Variants in NEAT1 observed in about 807,000 individuals in gnomAD.
NEAT1 encodes the protein MENepsilon/beta.
exon 1 of NEAT1, chr11:65,429,460 T>A (rs595366): frequency 0.65 from 98,645 of 151,708 alleles, 33,621 homozygotes; most frequent in Non-Finnish European, 0.75. Flanking sequence ...CATCTCTACC[T>A]TGTGTCAATT....
chr11:65,432,298 T>G (rs1056738107), exon 1 of NEAT1: 1 of 152,234 alleles, frequency 6.6e-6, no homozygotes, highest in African/African-American at 2.4e-5. Context: ...ACCTTTATAA[T>G]GATCATGAAC....
At chr11:65,444,617 C>T in exon 1 of NEAT1, 1 of 439,076 alleles carries the variant, frequency 2.3e-6, no homozygotes, top group South Asian at 1.6e-5. Context: ...CCAGGGGAGG[C>T]AGAGCCTGAG....
chr11:65,425,585 T>C (rs534632822), exon 1 of NEAT1: 2 of 152,276 alleles, frequency 1.3e-5, no homozygotes, highest in Admixed American at 6.5e-5. Flanking sequence ...AATGCCTATA[T>C]TGTGGGCTTT....
At chr11:65,431,550 C>T (rs1856614071) in exon 1 of NEAT1, 1 of 152,132 alleles carries the variant, frequency 6.6e-6, no homozygotes, top group African/African-American at 2.4e-5. Flanking sequence ...TCCGAGGTTC[C>T]CACATCCTCC....
At chr11:65,440,842 C>CA (rs746947504) in exon 1 of NEAT1, 1,482 of 33,788 alleles carry the variant, frequency 0.044, 28 homozygotes, top group East Asian at 0.07. Context: ...GATTCCGTCT[C>CA]AAAAAAAAAA....
chr11:65,444,124 A>G (rs996199779), exon 1 of NEAT1: 7 of 235,512 alleles, frequency 3.0e-5, no homozygotes, highest in Non-Finnish European at 5.1e-5. Flanking sequence ...GTGAGGGGAG[A>G]TGGACGTGTG....
chr11:65,428,150 A>G (rs1399836305), exon 1 of NEAT1: 1 of 152,204 alleles, frequency 6.6e-6, no homozygotes, highest in Non-Finnish European at 1.5e-5. Flanking sequence ...CTGAATTCAG[A>G]CTTTGTGAAT....
chr11:65,428,712 A>C (rs146049743), exon 1 of NEAT1: 9 of 152,312 alleles, frequency 5.9e-5, no homozygotes, highest in African/African-American at 2.2e-4. Context: ...CTCTGAGTGA[A>C]GGCATCCCCT....
At chr11:65,444,303 GT>G (rs1856743728) in exon 1 of NEAT1, 2 of 383,342 alleles carry the variant, frequency 5.2e-6, no homozygotes, top group African/African-American at 4.5e-5. Context: ...GTGTGTGTGT[GT>G]GTGTGTGTGT....
chr11:65,433,683 ATTAAC>A, exon 1 of NEAT1: 1 of 151,994 alleles, frequency 6.6e-6, no homozygotes, highest in East Asian at 1.9e-4. Context: ...GTCTGTCAAT[ATTAAC>A]TTCTTATAAT....
chr11:65,442,442 G>T (rs1856723242), exon 1 of NEAT1: 1 of 152,220 alleles, frequency 6.6e-6, no homozygotes, highest in African/African-American at 2.4e-5. Context: ...GAGCAAAGCT[G>T]CCAGGCTATG....
At chr11:65,433,392 C>T (rs951280739) in exon 1 of NEAT1, 14 of 152,150 alleles carry the variant, frequency 9.2e-5, no homozygotes, top group Admixed American at 9.2e-4. Context: ...AGAATATTCT[C>T]TCTGTTGGAA....
At chr11:65,443,950 AGT>A in exon 1 of NEAT1, 1 of 163,110 alleles carries the variant, frequency 6.1e-6, no homozygotes, top group South Asian at 1.4e-4. Flanking sequence ...CATCTTACAG[AGT>A]GTGTTTTGAC....
At chr11:65,442,774 G>C (rs1417354001) in exon 1 of NEAT1, 1 of 152,354 alleles carries the variant, frequency 6.6e-6, no homozygotes, top group African/African-American at 2.4e-5. Context: ...CAGCTACTCG[G>C]GAGGCTGAGG....
chr11:65,432,181 A>G (rs1296036063), exon 1 of NEAT1: 3 of 152,220 alleles, frequency 2.0e-5, no homozygotes. Flanking sequence ...GTAGATACCC[A>G]GTAGTGGGAT....
chr11:65,440,408 C>T (rs556481216), exon 1 of NEAT1: 1 of 150,180 alleles, frequency 6.7e-6, no homozygotes, highest in Non-Finnish European at 1.5e-5. Flanking sequence ...CTGCAGCAAG[C>T]TTTGATTGCG....
At chr11:65,440,480 A>C (rs909416717) in exon 1 of NEAT1, 1 of 146,370 alleles carries the variant, frequency 6.8e-6, no homozygotes, top group Non-Finnish European at 1.5e-5. Context: ...CAAAAACGAC[A>C]AAAAAAAAAC....
At chr11:65,434,808 C>A (rs74814759) in exon 1 of NEAT1, 1 of 152,110 alleles carries the variant, frequency 6.6e-6, no homozygotes, top group South Asian at 2.1e-4. Context: ...ATATCCTCTA[C>A]GACGCTCCAT....
At chr11:65,437,252 C>CATATATATATACATATATATA (rs1856670418) in exon 1 of NEAT1, 1 of 131,278 alleles carries the variant, frequency 7.6e-6, no homozygotes, top group Non-Finnish European at 1.6e-5. Flanking sequence ...TATATATATA[C>CATATATATATACATATATATA]TAATTTTCTT....
Sources: gnomAD v4.1 joint callset for allele counts on GRCh38, gnomAD v4.1.1 for gene constraint, MANE v1.5 for transcripts, NCBI Gene and HGNC (gene_info 2026-07-23, HGNC 2026-07-21) for gene names.